Variants in SRFBP1 observed in about 807,000 individuals in gnomAD.
SRFBP1 encodes serum response factor binding protein 1.
SRFBP1 carries 47 observed loss-of-function variants against 45.5 expected under a neutral mutation model. The observed-to-expected ratio is 1.03, with a 90% CI of 0.82 to 1.32. The LOEUF is 1.32. Among genes scored for constraint, SRFBP1 ranks in the 40% most tolerant of loss-of-function variants. SRFBP1 has a pLI of 0.00. For missense variants in SRFBP1, 621 were observed against 484.6 expected, an observed-to-expected ratio of 1.28 and a Z score of -2.64; for synonymous variants, 203 against 166.3, an observed-to-expected ratio of 1.22 and a Z score of -1.70.
intron 2 of SRFBP1, among the ~76,000 whole-genome samples, chr5:122,042,036 A>G (rs1025017191): frequency 6.6e-6 from 1 of 152,172 alleles, no homozygotes; most frequent in African/African-American, 2.4e-5. Context: ...CCTTTTAAAC[A>G]TTTATGAAAA....
intron 2 of SRFBP1, among the ~76,000 whole-genome samples, chr5:122,036,956 G>A (rs764661023): frequency 1.5e-4 from 22 of 150,706 alleles, no homozygotes; most frequent in Non-Finnish European, 2.5e-4. Context: ...GTGCAATGGC[G>A]TGATCTCGGC....
intron 4 of SRFBP1, among the ~76,000 whole-genome samples, chr5:122,001,184 A>G (rs575994577): frequency 1.5e-4 from 23 of 151,992 alleles, no homozygotes; most frequent in African/African-American, 5.1e-4. Flanking sequence ...AAAATATACT[A>G]TGATAATTAT....
chr5:122,004,363 A>G (rs1414227409), intron 4 of SRFBP1, among the ~76,000 whole-genome samples: 1 of 151,992 alleles, frequency 6.6e-6, no homozygotes, highest in Non-Finnish European at 1.5e-5. Flanking sequence ...TTGTCCCAGT[A>G]CTGTTTATTG....
intron 4 of SRFBP1, among the ~76,000 whole-genome samples, chr5:122,009,376 T>G (rs1436600697): frequency 6.6e-6 from 1 of 152,214 alleles, no homozygotes; most frequent in South Asian, 2.1e-4. Flanking sequence ...ATTTCCTCAT[T>G]TTAATTAGTC....
rs1580518387 is a variant in SRFBP1 at position 122,001,048 on chromosome 5, A to G, written c.270+6378A>G. 3.3e-5 allele frequency among the ~76,000 whole-genome samples: 5 copies of G among 152,238 alleles called. No homozygotes were observed. In the East Asian group the frequency reaches 7.7e-4, roughly 24 times the overall value. ...AATACTTCAATGAGATCACCATTAA[A>G]GGTCCCTTCTCCAAGCTCTTAAGTT... On this transcript the variant is annotated intron_variant, in intron 4 of 7. Transcript: ENST00000339397.
At chr5:121,985,557 T>C (rs1339602777) in intron 3 of SRFBP1, among the ~76,000 whole-genome samples, 1 of 151,872 alleles carries the variant, frequency 6.6e-6, no homozygotes, top group Non-Finnish European at 1.5e-5. Flanking sequence ...TTAAATACAC[T>C]CTCTGCCATT....
intron 4 of SRFBP1, among the ~76,000 whole-genome samples, chr5:121,995,319 A>C (rs1425513588): frequency 6.6e-6 from 1 of 152,222 alleles, no homozygotes; most frequent in Non-Finnish European, 1.5e-5. Context: ...ACTGTCTCTC[A>C]GACTGCAGTG....
At chr5:122,035,834 A>G (rs190893437) in intron 2 of SRFBP1, among the ~76,000 whole-genome samples, 1 of 152,312 alleles carries the variant, frequency 6.6e-6, no homozygotes, top group East Asian at 1.9e-4. Context: ...CTCGCTAAGT[A>G]TACCAAGACC....
chr5:121,988,827 AG>A (rs1752568440), intron 3 of SRFBP1, among the ~76,000 whole-genome samples: 1 of 152,206 alleles, frequency 6.6e-6, no homozygotes, highest in Non-Finnish European at 1.5e-5. Flanking sequence ...TACAGAGTTG[AG>A]CAACCTAAAT....
At chr5:122,006,001 T>C (rs2112690094) in intron 4 of SRFBP1, among the ~76,000 whole-genome samples, 1 of 152,334 alleles carries the variant, frequency 6.6e-6, no homozygotes, top group South Asian at 2.1e-4. Context: ...GTGAGTTTTG[T>C]CATTTATTTT....
At chr5:122,034,642 A>G (rs192863945) in intron 2 of SRFBP1, among the ~76,000 whole-genome samples, 1 of 152,064 alleles carries the variant, frequency 6.6e-6, no homozygotes, top group Admixed American at 6.5e-5. Context: ...CATATAACCT[A>G]TTATTATTAT....
chr5:122,029,142 G>A (rs547999937), downstream of SRFBP1, among the ~76,000 whole-genome samples: 10 of 152,144 alleles, frequency 6.6e-5, no homozygotes, highest in African/African-American at 2.4e-4. Context: ...GGGGTGGGAG[G>A]GGGCTACATC....
chr5:122,045,027 AT>A (rs1753833854), intron 2 of SRFBP1, among the ~76,000 whole-genome samples: 1 of 152,176 alleles, frequency 6.6e-6, no homozygotes, highest in Admixed American at 6.5e-5. Context: ...TCTTGAGTTA[AT>A]TTTTGTATCT....
intron 4 of SRFBP1, among the ~76,000 whole-genome samples, chr5:122,003,687 A>G (rs1007353543): frequency 1.3e-5 from 2 of 152,154 alleles, no homozygotes; most frequent in Non-Finnish European, 2.9e-5. Context: ...ACAATGTATA[A>G]GAGTTCCCTT....
downstream of SRFBP1, chr5:122,077,579 T>A: frequency 6.2e-7 from 1 of 1,612,794 alleles, no homozygotes; most frequent in Non-Finnish European, 8.5e-7. The surrounding 1 kb of genome is among the most constrained non-coding windows in gnomAD (Gnocchi z 4.9). Flanking sequence ...GGCGCCAGCT[T>A]CGCGGGCTCT....
chr5:122,012,963 A>G (rs534448228), intron 4 of SRFBP1, among the ~76,000 whole-genome samples: 1 of 152,094 alleles, frequency 6.6e-6, no homozygotes, highest in South Asian at 2.1e-4. Flanking sequence ...CATTTCAACT[A>G]GTGTTGCCTT....
intron 2 of SRFBP1, among the ~76,000 whole-genome samples, chr5:122,072,865 C>A (rs1037893804): frequency 6.6e-6 from 1 of 152,158 alleles, no homozygotes; most frequent in Non-Finnish European, 1.5e-5. Context: ...GTCCAGAGTG[C>A]CTCTTTTTGT....
At chr5:122,034,435 G>C (rs879253593) in intron 2 of SRFBP1, among the ~76,000 whole-genome samples, 1 of 151,376 alleles carries the variant, frequency 6.6e-6, no homozygotes, top group Non-Finnish European at 1.5e-5. Context: ...TTTTTTTAAT[G>C]CCCTTAGCGC....
chr5:122,010,383 A>T (rs890137109), intron 4 of SRFBP1, among the ~76,000 whole-genome samples: 2 of 152,124 alleles, frequency 1.3e-5, no homozygotes, highest in African/African-American at 4.8e-5. Context: ...AAATCGATCC[A>T]CTGCTGGAAA....
Sources: gnomAD v4.1 joint callset for allele counts (sites outside exome capture counted in the v4.1 genomes callset) on GRCh38, gnomAD v4.1.1 for gene constraint, Gnocchi (gnomAD v3.1) non-coding constraint, MANE v1.5 for transcripts, NCBI Gene and HGNC (gene_info 2026-07-23, HGNC 2026-07-21) for gene names.